PAK1: variants seen among roughly 807,000 people sequenced by gnomAD.
PAK1 encodes serine/threonine-protein kinase PAK 1.
In PAK1, 29 loss-of-function variants were observed where a neutral mutation model predicts 67.4. That is an observed-to-expected ratio of 0.43 (90% CI 0.32 to 0.59). The LOEUF is 0.59. Ranked by LOEUF, PAK1 falls within the 20% of genes least tolerant of loss-of-function variation. The pLI is 0.07. For missense variants in PAK1, 337 were observed against 670.7 expected (o/e 0.50, Z 5.50); for synonymous variants, 223 against 237.4 (o/e 0.94, Z 0.56).
At chr11:77,353,347 A>G (rs1945547573) in intron 8 of PAK1, 189 bp downstream of exon 8, 1 of 514,636 alleles carries the variant, frequency 1.9e-6, no homozygotes, top group East Asian at 3.1e-5. Flanking sequence ...AGCTAATGGC[A>G]TCTCTCTCAT....
chr11:77,431,105 T>C (rs1301612237), intron 1 of PAK1, among the ~76,000 whole-genome samples: 9 of 152,046 alleles, frequency 5.9e-5, no homozygotes, highest in African/African-American at 2.2e-4. Context: ...AAAAATTGTC[T>C]TCCCTGAAAC....
chr11:77,400,032 A>G (rs1952454367), intron 1 of PAK1, among the ~76,000 whole-genome samples: 1 of 152,116 alleles, frequency 6.6e-6, no homozygotes, highest in South Asian at 2.1e-4. Context: ...GATTTTTGAA[A>G]TTTTACCTAA....
chr11:77,407,381 T>C (rs755798458), intron 1 of PAK1, among the ~76,000 whole-genome samples: 1 of 152,208 alleles, frequency 6.6e-6, no homozygotes, highest in Non-Finnish European at 1.5e-5. Flanking sequence ...TCACGGAGGA[T>C]TGAGGTTCAA....
At chr11:77,504,645 GTAT>G in the PAK1 span, among the ~76,000 whole-genome samples, 1 of 152,178 alleles carries the variant, frequency 6.6e-6, no homozygotes, top group Admixed American at 6.5e-5. Flanking sequence ...TAATACCTTA[GTAT>G]TATTATGAAA....
chr11:77,441,238 G>A lies in PAK1; in HGVS notation c.-22+32314C>T, dbSNP rs116476191. On this transcript the variant is annotated intron_variant, in intron 1 of 14. Transcript: ENST00000356341. ...AAAAATCTAAAGGAAAGAAGGTGAG[G>A]AAAAGGCCTAAGTTTCTTAGAGACA... Among the ~76,000 whole-genome samples the A allele has an allele frequency of 4.5e-3, 679 of 152,150 alleles. 6 individuals are homozygous for A. Among genetic ancestry groups the A allele is most frequent in the African/African-American group, 0.016 (646 of 41,496 alleles).
the PAK1 span, among the ~76,000 whole-genome samples, chr11:77,521,464 G>A: frequency 6.6e-6 from 1 of 152,092 alleles, no homozygotes; most frequent in African/African-American, 2.4e-5. Context: ...GGGAGGTGGA[G>A]GTTGCTGTGA....
chr11:77,490,089 C>T, the PAK1 span, among the ~76,000 whole-genome samples: 1 of 151,808 alleles, frequency 6.6e-6, no homozygotes, highest in African/African-American at 2.4e-5. Flanking sequence ...TGGGGAGCGC[C>T]TCTGCCCGGC....
Position 77,384,938 on chromosome 11 carries a change from A to C in PAK1, c.191-4944T>G, listed in dbSNP as rs909209872. ...TAAAAAAAAGTGAATGTAATTTACTATATTAAGAAAATAAAGAAGAAAATA... is the reference window on the plus strand; with the variant it reads ...TAAAAAAAAGTGAATGTAATTTACTCTATTAAGAAAATAAAGAAGAAAATA... On this transcript the variant is annotated intron_variant, in intron 2 of 14. Coordinates refer to ENST00000356341, the MANE Select transcript of PAK1 (RefSeq NM_002576.5). Among the ~76,000 whole-genome samples the C allele has an allele frequency of 2.2e-4, 33 of 152,358 alleles. 1 individual carries two copies. Among genetic ancestry groups the C allele is most frequent in the African/African-American group, 7.7e-4 (32 of 41,594 alleles).
chr11:77,349,492 G>A (rs1944933135), intron 8 of PAK1: 1 of 562,016 alleles, frequency 1.8e-6, no homozygotes, highest in Admixed American at 2.9e-5. Context: ...CAGGAGACCT[G>A]AATTCCAACC....
chr11:77,351,361 A>T (rs1021343114), intron 8 of PAK1, among the ~76,000 whole-genome samples: 1 of 151,972 alleles, frequency 6.6e-6, no homozygotes. Context: ...CTCAATTCAC[A>T]ATCTGTCTTC....
intron 1 of PAK1, among the ~76,000 whole-genome samples, chr11:77,463,970 T>G (rs1192707987): frequency 6.6e-6 from 1 of 152,210 alleles, no homozygotes; most frequent in Non-Finnish European, 1.5e-5. Context: ...TGTAAAGAGG[T>G]GAAATTAATT....
chr11:77,382,813 C>T (rs59602069), intron 2 of PAK1, among the ~76,000 whole-genome samples: 4,909 of 152,196 alleles, frequency 0.032, 132 homozygotes, highest in African/African-American at 0.075. Flanking sequence ...GCCTGGCCAA[C>T]ATGGTGAAAC....
At chr11:77,442,417 C>A (rs987989572) in intron 1 of PAK1, among the ~76,000 whole-genome samples, 1 of 152,170 alleles carries the variant, frequency 6.6e-6, no homozygotes, top group South Asian at 2.1e-4. Flanking sequence ...AGGAAGCCAG[C>A]TGATATGCTG....
intron 2 of PAK1, among the ~76,000 whole-genome samples, chr11:77,388,739 A>G (rs1173972034): frequency 2.0e-5 from 3 of 152,206 alleles, no homozygotes; most frequent in African/African-American, 7.2e-5. Context: ...GTCTACAGAG[A>G]AATAATTGAC....
chr11:77,461,632 TATG>T (rs1264536860), intron 1 of PAK1, among the ~76,000 whole-genome samples: 1 of 152,206 alleles, frequency 6.6e-6, no homozygotes, highest in Non-Finnish European at 1.5e-5. Flanking sequence ...AGGTCTACAT[TATG>T]ATTACAACTA....
At chr11:77,509,214 C>T in the PAK1 span, among the ~76,000 whole-genome samples, 1 of 151,624 alleles carries the variant, frequency 6.6e-6, no homozygotes, top group South Asian at 2.1e-4. Flanking sequence ...GCCAAGATCG[C>T]GCCACTGCAC....
chr11:77,323,420 A>G (rs1938838074), intron 14 of PAK1, 60 bp from the exon 15 acceptor site: 4 of 1,112,460 alleles, frequency 3.6e-6, no homozygotes, highest in Non-Finnish European at 5.5e-6. Context: ...CCCAGTAACC[A>G]TTACAAGACA....
the PAK1 span, among the ~76,000 whole-genome samples, chr11:77,514,721 T>C: frequency 6.6e-6 from 1 of 152,194 alleles, no homozygotes; most frequent in Non-Finnish European, 1.5e-5. Context: ...AGGGACTGTC[T>C]CGTTCATCAG....
At chr11:77,327,994 G>C (rs952106949) in intron 14 of PAK1, among the ~76,000 whole-genome samples, 2 of 152,110 alleles carry the variant, frequency 1.3e-5, no homozygotes. Flanking sequence ...CCTAGTCTCT[G>C]ATAAAACAGA....
Sources: allele counts gnomAD v4.1 joint callset (sites outside exome capture counted in the v4.1 genomes callset), GRCh38; gene constraint gnomAD v4.1.1; transcripts MANE v1.5; gene names NCBI Gene and HGNC (gene_info 2026-07-23, HGNC 2026-07-21).